Variants in GASK1A observed in about 807,000 individuals in gnomAD.
GASK1A encodes Golgi-associated kinase 1A.
In GASK1A, 40 loss-of-function variants were observed where a neutral mutation model predicts 41.2. The observed-to-expected ratio is 0.97, with a 90% confidence interval of 0.75 to 1.27. The LOEUF is 1.27. Ranked by LOEUF, GASK1A falls within the 50% of genes most tolerant of loss-of-function variation. The pLI is 0.00. For synonymous variants in GASK1A, 316 were observed against 307.1 expected (o/e 1.03, Z -0.30); for missense variants, 678 against 745.1 (o/e 0.91, Z 1.05).
At chr3:42,983,292 G>A (rs953676836) in intron 1 of GASK1A, among the ~76,000 whole-genome samples, 11 of 152,150 alleles carry the variant, frequency 7.2e-5, no homozygotes, top group African/African-American at 2.7e-4. Context: ...GGTGCTGTAA[G>A]ATTGGGGGCT....
At chr3:43,010,455 G>T (rs931310130) in intron 1 of GASK1A, among the ~76,000 whole-genome samples, 1 of 152,198 alleles carries the variant, frequency 6.6e-6, no homozygotes, top group Admixed American at 6.5e-5. Context: ...AGTAGAGTGG[G>T]CTGCAAGAGT....
chr3:43,038,639 ATTGC>A (rs2089617705), intron 2 of GASK1A, among the ~76,000 whole-genome samples: 1 of 152,154 alleles, frequency 6.6e-6, no homozygotes, highest in East Asian at 1.9e-4. Context: ...CAGGAAACAA[ATTGC>A]TTGTTCTTGA....
At chr3:42,991,528 C>T (rs1274542635) in intron 1 of GASK1A, among the ~76,000 whole-genome samples, 1 of 152,216 alleles carries the variant, frequency 6.6e-6, no homozygotes, top group Non-Finnish European at 1.5e-5. Context: ...CTTGCATAGC[C>T]ATAGAGCAGC....
At chr3:43,051,261 A>G (rs2089686971) in intron 2 of GASK1A, among the ~76,000 whole-genome samples, 1 of 152,000 alleles carries the variant, frequency 6.6e-6, no homozygotes, top group South Asian at 2.1e-4. Flanking sequence ...TGTATTCTTT[A>G]TTGTATATGG....
chr3:43,049,110 T>C (rs1452196102), intron 2 of GASK1A, among the ~76,000 whole-genome samples: 1 of 152,072 alleles, frequency 6.6e-6, no homozygotes, highest in Non-Finnish European at 1.5e-5. Flanking sequence ...GTGTGCAGGG[T>C]ACTTGGATTG....
intron 1 of GASK1A, among the ~76,000 whole-genome samples, chr3:42,995,344 TGAGA>T (rs944418532): frequency 4.6e-5 from 7 of 152,318 alleles, no homozygotes; most frequent in Non-Finnish European, 1.0e-4. Flanking sequence ...AGCATGTCAT[TGAGA>T]GAGAGTGTCA....
At chr3:42,994,140 A>T (rs2089357039) in intron 1 of GASK1A, among the ~76,000 whole-genome samples, 1 of 152,204 alleles carries the variant, frequency 6.6e-6, no homozygotes, top group South Asian at 2.1e-4. Flanking sequence ...TTTGATATCT[A>T]GTCTTTGGAA....
At chr3:42,989,875 C>T (rs2089330749) in intron 1 of GASK1A, among the ~76,000 whole-genome samples, 1 of 890 alleles carries the variant, frequency 1.1e-3, no homozygotes, top group African/African-American at 1.2e-3. Context: ...GTGATCCGCC[C>T]GCCTCGGCCT....
chr3:43,057,637 T>A lies in GASK1A; in HGVS notation c.*1251T>A, dbSNP rs76540711. ...TGTTTGCCCTTTGCTTGTTAATTTG[T>A]TGGAAATCTTTGACTCTAATAAGTG... is the stretch of plus-strand genomic sequence containing the variant. On this transcript the variant is annotated 3_prime_UTR_variant, in exon 5 of 5. Transcript: ENST00000430121. 142 of 152,356 alleles carry A rather than the reference T, an allele frequency of 9.3e-4. 1 individual carries two copies. Among genetic ancestry groups the A allele is most frequent in the African/African-American group, 3.4e-3 (141 of 41,590 alleles). The allele number at this position is 152,356 out of a possible 1,614,324, so 9.4% of individuals were successfully genotyped here. A position where few individuals can be genotyped will look rare whatever the true frequency, so the allele number is the denominator to read the frequency against.
At chr3:43,001,505 G>A (rs187670848) in intron 1 of GASK1A, among the ~76,000 whole-genome samples, 2 of 152,356 alleles carry the variant, frequency 1.3e-5, no homozygotes, top group South Asian at 2.1e-4. Flanking sequence ...CAGCAAGTAT[G>A]TGGACAAGAA....
Position 43,033,497 on chromosome 3 carries a change from C to T in GASK1A, c.1234C>T (p.Pro412Ser). The change falls in exon 2 of 5, where the codon CCG becomes TCG. Residue 412 changes from proline (P) to serine (S), a missense_variant. Physicochemically the swap from Pro to Ser is moderately conservative, Grantham distance 74 (BLOSUM62 -1). Coordinates refer to ENST00000430121, the MANE Select transcript of GASK1A (RefSeq NM_001129908.3). ...SCNWPGQAPC[P>S]GIHHTEWARL... ...CAACTGGCCAGGCCAGGCCCCGTGC[C>T]CGGGCATCCACCATACCGAGTGGGC... 1 of 1,549,944 alleles carries T rather than the reference C, an allele frequency of 6.5e-7. No individual in the cohort carries two copies.
chr3:42,996,940 G>A (rs1227231365), intron 1 of GASK1A, among the ~76,000 whole-genome samples: 1 of 152,216 alleles, frequency 6.6e-6, no homozygotes, highest in Non-Finnish European at 1.5e-5. Flanking sequence ...TCTTTCTGAT[G>A]ACAAGTAGGT....
chr3:43,013,687 TGAAGTCACAGGAAGGGGCTGTGG>T (rs1480875164), intron 1 of GASK1A, among the ~76,000 whole-genome samples: 1 of 151,310 alleles, frequency 6.6e-6, no homozygotes, highest in Admixed American at 6.6e-5. Context: ...AGGTGCTGTG[TGAAGTCACAGGAAGGGGCTGTGG>T]GAAGTCACAG....
At chr3:43,036,120 G>A (rs370588496) in intron 2 of GASK1A, among the ~76,000 whole-genome samples, 3 of 152,224 alleles carry the variant, frequency 2.0e-5, no homozygotes, top group South Asian at 2.1e-4. Flanking sequence ...GGGTTGCAGC[G>A]TGGGACTCTT....
At chr3:42,981,665 G>A (rs997071806) in intron 1 of GASK1A, among the ~76,000 whole-genome samples, 2 of 152,282 alleles carry the variant, frequency 1.3e-5, no homozygotes, top group South Asian at 4.1e-4. Flanking sequence ...TGTGCTGCCA[G>A]GGCTGAGAAC....
At chr3:43,040,668 T>TTTTA (rs2089631667) in intron 2 of GASK1A, among the ~76,000 whole-genome samples, 1 of 152,150 alleles carries the variant, frequency 6.6e-6, no homozygotes, top group Admixed American at 6.5e-5. Flanking sequence ...GGTTGGGTTA[T>TTTTA]TCCTTGGTAT....
chr3:43,027,707 T>C (rs1038129904), intron 1 of GASK1A, among the ~76,000 whole-genome samples: 1 of 152,088 alleles, frequency 6.6e-6, no homozygotes. Flanking sequence ...TTCCTAAATA[T>C]TATAAGAAAT....
At position 43,016,967 on chromosome 3, in the gene GASK1A, A is replaced by G. The variant is rs539648553; in HGVS notation, c.4-15300A>G. Among the ~76,000 whole-genome samples, 5 of 151,696 alleles carry G rather than the reference A, an allele frequency of 3.3e-5. No individual in the cohort carries two copies. The South Asian group carries it at 1.0e-3, about 32-fold the overall frequency. The stretch of plus-strand genomic sequence containing the variant: ...TCCCAGAAAGGGGCTGTGTGATTTC[A>G]CAGGAAGGGTCTGTGTGAAGCCACT... On this transcript the variant is annotated intron_variant, in intron 1 of 4. Coordinates refer to ENST00000430121, the MANE Select transcript of GASK1A (RefSeq NM_001129908.3).
At chr3:43,052,614 C>G (rs766590356) in intron 2 of GASK1A, among the ~76,000 whole-genome samples, 6 of 152,138 alleles carry the variant, frequency 3.9e-5, no homozygotes, top group Non-Finnish European at 8.8e-5. Flanking sequence ...CTTCATCTTT[C>G]ATCCACTTCC....
Sources: gnomAD v4.1 joint callset for allele counts (sites outside exome capture counted in the v4.1 genomes callset) on GRCh38, gnomAD v4.1.1 for gene constraint, MANE v1.5 for transcripts, NCBI Gene and HGNC (gene_info 2026-07-23, HGNC 2026-07-21) for gene names.